The following PHACTR3 variants were observed in gnomAD, a reference collection of about 807,000 sequenced individuals.
PHACTR3 encodes the protein protein phosphatase 1, regulatory subunit 123.
In PHACTR3, 16 loss-of-function variants were observed where a neutral mutation model predicts 66.8. The observed-to-expected ratio is 0.24, with a 90% CI of 0.16 to 0.36. PHACTR3 has a LOEUF of 0.36. Among genes scored for constraint, PHACTR3 ranks in the 10% least tolerant of loss-of-function variants. The pLI is 1.00. For missense variants in PHACTR3, 647 were observed against 719.9 expected (o/e 0.90, Z 1.16); for synonymous variants, 323 against 292.1 (o/e 1.11, Z -1.08).
In PHACTR3 at chr20:59,771,053, G is replaced by A. The variant is rs75070476; in HGVS notation, c.752-2226G>A. Among the ~76,000 whole-genome samples the A allele has an allele frequency of 2.6e-3, 397 of 152,298 alleles. 2 individuals carry two copies. The highest frequency in any genetic ancestry group is 8.7e-3 in the African/African-American group (360 of 41,558). Reference sequence around the variant, plus strand: ...GTCCCCTGCACAAGCTGGGTGGGGCGAGCCAGGCAAAGCTCTATGGGGGCC... The same window carrying A: ...GTCCCCTGCACAAGCTGGGTGGGGCAAGCCAGGCAAAGCTCTATGGGGGCC... On this transcript the variant is annotated intron_variant, in intron 5 of 12. Coordinates refer to ENST00000371015, the MANE Select transcript of PHACTR3 (RefSeq NM_080672.5).
At chr20:59,629,920 T>C (rs1018422614) in intron 1 of PHACTR3, among the ~76,000 whole-genome samples, 7 of 152,104 alleles carry the variant, frequency 4.6e-5, no homozygotes, top group African/African-American at 1.7e-4. Context: ...GGTGTGGCTG[T>C]AGACCAGGGG....
chr20:59,817,103 G>A (rs1461845079), intron 8 of PHACTR3, among the ~76,000 whole-genome samples: 3 of 152,220 alleles, frequency 2.0e-5, no homozygotes, highest in Non-Finnish European at 4.4e-5. Flanking sequence ...TACAATAAGT[G>A]TTTATTGAAT....
intron 1 of PHACTR3, among the ~76,000 whole-genome samples, chr20:59,635,005 G>A (rs993562923): frequency 2.0e-5 from 3 of 152,028 alleles, no homozygotes; most frequent in East Asian, 3.9e-4. Flanking sequence ...TGAGAGTGCC[G>A]GGTGGAGGGT....
At chr20:59,749,491 G>A (rs1426064072) in intron 3 of PHACTR3, among the ~76,000 whole-genome samples, 2 of 152,174 alleles carry the variant, frequency 1.3e-5, no homozygotes, top group South Asian at 2.1e-4. Context: ...GCTTGGCCGC[G>A]GCCAGGCTGA....
chr20:59,738,833 C>T lies in PHACTR3; in HGVS notation c.119-4274C>T, dbSNP rs1247269466. ...ATGCTCCATCCTCGTCTCCTCTGCT[C>T]ATCCCTGGAGATCTTCGTCTTCATC... On this transcript the variant is annotated intron_variant, in intron 1 of 12. Coordinates refer to ENST00000371015, the MANE Select transcript of PHACTR3 (RefSeq NM_080672.5). This position sits in a 1 kb window ranked among gnomAD's most constrained non-coding sequence, Gnocchi z 4.4. Among the ~76,000 whole-genome samples, 1 of 152,158 alleles carries T rather than the reference C, an allele frequency of 6.6e-6. No homozygotes were observed. Among genetic ancestry groups the T allele is most frequent in the African/African-American group, 2.4e-5 (1 of 41,440 alleles).
chr20:59,720,433 C>T (rs1406144718), intron 1 of PHACTR3, among the ~76,000 whole-genome samples: 1 of 152,238 alleles, frequency 6.6e-6, no homozygotes, highest in Non-Finnish European at 1.5e-5. Flanking sequence ...TGGGGGGGCA[C>T]TTGCTGGGGG....
At chr20:59,787,551 G>A (rs537345009) in intron 7 of PHACTR3, among the ~76,000 whole-genome samples, 2 of 152,186 alleles carry the variant, frequency 1.3e-5, no homozygotes, top group Non-Finnish European at 2.9e-5. Flanking sequence ...AAGAGATATA[G>A]GGACATCTTT....
chr20:59,756,434 A>G (rs1474282254), intron 4 of PHACTR3, among the ~76,000 whole-genome samples: 3 of 152,186 alleles, frequency 2.0e-5, no homozygotes, highest in African/African-American at 7.2e-5. Flanking sequence ...CTGCCACACA[A>G]GGGTGGCACC....
chr20:59,841,239 C>A (rs2059054772), intron 10 of PHACTR3, among the ~76,000 whole-genome samples, 156 bp from the exon 11 acceptor site: 1 of 152,018 alleles, frequency 6.6e-6, no homozygotes, highest in Admixed American at 6.6e-5. Flanking sequence ...AATTTCAGCC[C>A]TTCACATTAG....
chr20:59,823,404 C>A (rs2042104466), intron 8 of PHACTR3, among the ~76,000 whole-genome samples: 1 of 152,160 alleles, frequency 6.6e-6, no homozygotes, highest in Non-Finnish European at 1.5e-5. Flanking sequence ...GAGGTAAAGA[C>A]CTGTCCTCAG....
chr20:59,846,330 T>C (rs992821634), intron 12 of PHACTR3, among the ~76,000 whole-genome samples: 1 of 152,138 alleles, frequency 6.6e-6, no homozygotes, highest in African/African-American at 2.4e-5. Flanking sequence ...AGGGTGAATA[T>C]ATCAAGGGGA....
intron 7 of PHACTR3, among the ~76,000 whole-genome samples, chr20:59,781,452 G>A (rs1205207003): frequency 6.6e-6 from 1 of 152,174 alleles, no homozygotes; most frequent in African/African-American, 2.4e-5. Flanking sequence ...CTGGGCCCTG[G>A]CTGCCTTTCG....
At chr20:59,713,022 A>G (rs2037961986) in intron 1 of PHACTR3, among the ~76,000 whole-genome samples, 1 of 152,256 alleles carries the variant, frequency 6.6e-6, no homozygotes, top group Non-Finnish European at 1.5e-5. Context: ...ATATTGGATC[A>G]GCCTGGAAGG....
intron 1 of PHACTR3, among the ~76,000 whole-genome samples, chr20:59,641,668 G>A (rs1268484845): frequency 6.6e-6 from 1 of 152,128 alleles, no homozygotes; most frequent in African/African-American, 2.4e-5. Flanking sequence ...AAATGTGTGG[G>A]CACCCTCAGG....
intron 1 of PHACTR3, among the ~76,000 whole-genome samples, chr20:59,582,119 G>A (rs1002211264): frequency 7.2e-5 from 11 of 152,048 alleles, no homozygotes; most frequent in South Asian, 2.1e-4. Flanking sequence ...TCCTCCCCCC[G>A]CCCGCCACCT....
At chr20:59,754,604 T>C (rs1292552684) in intron 3 of PHACTR3, among the ~76,000 whole-genome samples, 1 of 152,186 alleles carries the variant, frequency 6.6e-6, no homozygotes, top group Non-Finnish European at 1.5e-5. Flanking sequence ...GGTGAGTTGG[T>C]TCTCTGCAGC....
chr20:59,832,572 C>G (rs1307290162), intron 8 of PHACTR3, among the ~76,000 whole-genome samples: 1 of 152,174 alleles, frequency 6.6e-6, no homozygotes, highest in Non-Finnish European at 1.5e-5. Flanking sequence ...CTGGAAGAGT[C>G]CGGAGAGTGT....
Position 59,659,404 on chromosome 20 carries a change from C to T in PHACTR3, c.118+54272C>T, listed in dbSNP as rs139175058. ...TTTTTTTTTTTTTTTGAGACAGTCT[C>T]GCTCTGTCACCAGGCTGGAGTCCAG... On this transcript the variant is annotated intron_variant, in intron 1 of 12. Transcript: ENST00000371015. 3.6e-3 allele frequency among the ~76,000 whole-genome samples: 460 copies of T among 129,414 alleles called. 8 individuals carry two copies. The East Asian group carries it at 0.054, about 15-fold the overall frequency. The allele number at this position is 129,414 out of a possible 152,430, so 84.9% of individuals were successfully genotyped here. A position where few individuals can be genotyped will look rare whatever the true frequency, so the allele number is the denominator to read the frequency against.
intron 1 of PHACTR3, among the ~76,000 whole-genome samples, chr20:59,729,294 C>T (rs973581272): frequency 3.3e-5 from 5 of 152,136 alleles, no homozygotes; most frequent in Non-Finnish European, 7.4e-5. Flanking sequence ...TGACCATTCA[C>T]TTGGCTGTCC....
Sources: gnomAD v4.1 joint callset for allele counts (sites outside exome capture counted in the v4.1 genomes callset) on GRCh38, gnomAD v4.1.1 for gene constraint, Gnocchi (gnomAD v3.1) non-coding constraint, MANE v1.5 for transcripts, NCBI Gene and HGNC (gene_info 2026-07-23, HGNC 2026-07-21) for gene names.